Variants in OC90 observed in about 807,000 individuals in gnomAD.
OC90 encodes otoconin 90.
Under a neutral mutation model 47.3 loss-of-function variants are expected in OC90, and 46 were observed. That is an observed-to-expected ratio of 0.97 (90% confidence interval 0.77 to 1.24). The LOEUF (loss-of-function observed/expected upper bound fraction) is 1.24, where lower values mean the gene tolerates loss of function less well. Ranked by LOEUF, OC90 falls within the 50% of genes most tolerant of loss-of-function variation. OC90 has a pLI of 0.00. For synonymous variants in OC90, 271 were observed against 219.5 expected (o/e 1.23, Z -2.07); for missense variants, 688 against 583.9 (o/e 1.18, Z -1.84).
Position 132,039,095 on chromosome 8 carries a change from C to T in OC90, c.486G>A (p.Leu162=), listed in dbSNP as rs1224622240. 2 of 1,612,262 alleles carry T rather than the reference C, an allele frequency of 1.2e-6. No individual in the cohort carries two copies. The highest frequency in any genetic ancestry group is 2.2e-5 in the East Asian group (1 of 44,830). The change falls in exon 7 of 14, where the codon CTG becomes CTA. Residue 162 remains leucine, a synonymous_variant. Coordinates refer to ENST00000254627, the MANE Select transcript of OC90 (RefSeq NM_001080399.3). ...CESKDNCEHL[L]CTCDKAAIEC... The stretch of plus-strand genomic sequence containing the variant: ...CTATGGCAGCCTTATCACAGGTACA[C>T]AGCAGGTGCTCACAGTTGTCCTTGG...
At chr8:132,032,865 C>CA (rs368008269) in intron 11 of OC90, among the ~76,000 whole-genome samples, 174 bp downstream of exon 11, 8 of 152,282 alleles carry the variant, frequency 5.3e-5, no homozygotes, top group African/African-American at 1.9e-4. Context: ...TGAGTGGCTA[C>CA]AGGCAGCTTA....
chr8:132,028,612 AAGGAGG>A (rs1563727523), intron 13 of OC90, among the ~76,000 whole-genome samples: 13 of 106,310 alleles, frequency 1.2e-4, no homozygotes, highest in Non-Finnish European at 1.8e-4. Flanking sequence ...GGAAGGAGGG[AAGGAGG>A]AAGGAAGGAA....
intron 4 of OC90, among the ~76,000 whole-genome samples, chr8:132,042,817 G>A (rs1823074084): frequency 1.3e-5 from 2 of 152,134 alleles, no homozygotes; most frequent in Non-Finnish European, 2.9e-5. Flanking sequence ...CTGGCTGGTG[G>A]GAATGCAAAC....
chr8:132,035,302 A>G (rs1822941363), intron 9 of OC90, among the ~76,000 whole-genome samples: 1 of 152,188 alleles, frequency 6.6e-6, no homozygotes, highest in African/African-American at 2.4e-5. Context: ...AGCTCCTACT[A>G]CATGCTAGGT....
rs1297319391 is a variant in OC90 at position 132,033,138 on chromosome 8, C to T, written c.760G>A (p.Val254Ile). The change falls in exon 11 of 14, where the codon GTT (valine) becomes ATT (isoleucine). Residue 254 changes from valine (V) to isoleucine (I), a missense_variant. Physicochemically the swap from Val to Ile is conservative, Grantham distance 29. Transcript: ENST00000254627. ...ACAAGGGTTACAATTTTAGCTGTAA[C>T]CCTTGTTGCAACTATCTCTGCAGAT... ...PGSAEIVATRVTAKIVTLVPA... is the reference protein window; with the variant it reads ...PGSAEIVATRITAKIVTLVPA... The T allele has an allele frequency of 1.9e-6, 3 of 1,606,888 alleles. No individual in the cohort carries two copies. The highest frequency in any genetic ancestry group is 2.5e-6 in the Non-Finnish European group (3 of 1,176,594).
intron 13 of OC90, among the ~76,000 whole-genome samples, chr8:132,027,899 GA>G (rs1195888630): frequency 6.6e-6 from 1 of 152,206 alleles, no homozygotes; most frequent in African/African-American, 2.4e-5. Context: ...GTGTGGTGAA[GA>G]ATCAGCTTTA....
chr8:132,051,590 T>C (rs931374866), intron 2 of OC90, among the ~76,000 whole-genome samples: 1 of 152,228 alleles, frequency 6.6e-6, no homozygotes, highest in African/African-American at 2.4e-5. Context: ...AATGGGGCTA[T>C]TTGTGAGTTT....
chr8:132,033,080 A>G lies in OC90; in HGVS notation c.818T>C (p.Val273Ala), dbSNP rs772812675. The G allele has an allele frequency of 1.9e-6, 3 of 1,610,432 alleles. No individual in the cohort carries two copies. The East Asian group carries it at 6.7e-5, about 36-fold the overall frequency. ...CTCAGGATCATTTTCAACAGATGAC[A>G]CTGCCAGCCCCAGAGATTTAATGCC... ...PAGIKSLGLA[V>A]SSVENDPEET... Residue 273 changes from valine to alanine, a missense_variant, in exon 11 of 14, where the codon GTG becomes GCG. Physicochemically the swap from Val to Ala is moderately conservative, Grantham distance 64. Coordinates refer to ENST00000254627, the MANE Select transcript of OC90 (RefSeq NM_001080399.3).
At chr8:132,040,636 T>C (rs931744726) in intron 6 of OC90, among the ~76,000 whole-genome samples, 3 of 152,194 alleles carry the variant, frequency 2.0e-5, no homozygotes, top group Non-Finnish European at 4.4e-5. Flanking sequence ...TGCTAACCAT[T>C]TCACAAGCAT....
Position 132,045,831 on chromosome 8 carries a change from G to A in OC90, c.99C>T (p.Leu33=). Residue 33 remains leucine (L), a synonymous_variant, in exon 3 of 14, where the codon CTC becomes CTT. Transcript: ENST00000254627. ...PHLPQELPPG[L]PNNINITFFS... ...AAGAATCCTTACTGATATTGTTTGG[G>A]AGTCCTGGAGGCAGCTCCTGTGGAA... The A allele has an allele frequency of 6.5e-7, 1 of 1,540,244 alleles. No individual in the cohort carries two copies. The highest frequency in any genetic ancestry group is 8.8e-7 in the Non-Finnish European group (1 of 1,136,534).
intron 6 of OC90, among the ~76,000 whole-genome samples, chr8:132,040,635 T>C (rs920383123): frequency 2.0e-5 from 3 of 152,192 alleles, no homozygotes; most frequent in Non-Finnish European, 4.4e-5. Context: ...GTGCTAACCA[T>C]TTCACAAGCA....
chr8:132,026,491 A>C (rs1309508469), intron 13 of OC90, among the ~76,000 whole-genome samples: 6 of 152,218 alleles, frequency 3.9e-5, no homozygotes, highest in African/African-American at 1.4e-4. Context: ...AGACATGCAG[A>C]GGTCCTGTTC....
At chr8:132,038,371 G>A (rs551549637) in intron 8 of OC90, among the ~76,000 whole-genome samples, 11 of 152,294 alleles carry the variant, frequency 7.2e-5, no homozygotes, top group Admixed American at 7.2e-4. Flanking sequence ...GGAAGGGAGA[G>A]GAGGAGGTAG....
intron 10 of OC90, among the ~76,000 whole-genome samples, 164 bp from the exon 11 acceptor site, chr8:132,033,328 A>G (rs1822905350): frequency 6.6e-6 from 1 of 152,218 alleles, no homozygotes; most frequent in Non-Finnish European, 1.5e-5. Flanking sequence ...TAAGAATTCT[A>G]CATGAGAATT....
intron 2 of OC90, among the ~76,000 whole-genome samples, chr8:132,048,673 T>A (rs957778438): frequency 2.6e-5 from 4 of 151,580 alleles, no homozygotes; most frequent in African/African-American, 9.8e-5. Flanking sequence ...ACTGGGGTCC[T>A]CGTCCTTTTA....
chr8:132,046,480 A>G (rs765659072), intron 2 of OC90, among the ~76,000 whole-genome samples: 1 of 152,202 alleles, frequency 6.6e-6, no homozygotes, highest in Admixed American at 6.5e-5. Flanking sequence ...ATGTTACTTA[A>G]TGGTGTAATA....
rs1015554536 is a variant in OC90 at position 132,045,671 on chromosome 8, T to G, written c.112+147A>C. 5.2e-6 allele frequency: 3 copies of G among 577,470 alleles called. No homozygotes were observed. The Admixed American group carries it at 9.4e-5, about 18-fold the overall frequency. The allele number at this position is 577,470 out of a possible 1,614,324, so 35.8% of individuals were successfully genotyped here. A position where few individuals can be genotyped will look rare whatever the true frequency, so the allele number is the denominator to read the frequency against. Reference sequence around the variant, plus strand: ...ACACCAGGGGAGATTGTTGGGGAGATGCTTTTGAGTCCCACTTCAATCCCT... The same window carrying G: ...ACACCAGGGGAGATTGTTGGGGAGAGGCTTTTGAGTCCCACTTCAATCCCT... On this transcript the variant is annotated intron_variant, in intron 3 of 13. Transcript: ENST00000254627.
At chr8:132,034,757 G>C (rs754201654) in intron 10 of OC90, 24 bp downstream of exon 10, 1 of 1,556,098 alleles carries the variant, frequency 6.4e-7, no homozygotes, top group Admixed American at 1.7e-5. Context: ...ATGAACATAG[G>C]CAGGTGGAGC....
chr8:132,051,232 C>G (rs931417132), intron 2 of OC90, among the ~76,000 whole-genome samples: 2 of 152,172 alleles, frequency 1.3e-5, no homozygotes, highest in African/African-American at 4.8e-5. Flanking sequence ...TCACTGTTAT[C>G]CCTCTTCTGG....
Sources: gnomAD v4.1 joint callset for allele counts (sites outside exome capture counted in the v4.1 genomes callset) on GRCh38, gnomAD v4.1.1 for gene constraint, MANE v1.5 for transcripts, NCBI Gene and HGNC (gene_info 2026-07-23, HGNC 2026-07-21) for gene names.